COX5A: variants seen among roughly 807,000 people sequenced by gnomAD.
COX5A encodes cytochrome c oxidase subunit 5A, mitochondrial.
A neutral mutation model predicts 16.1 loss-of-function variants in COX5A; 6 were observed. That is an observed-to-expected ratio of 0.37 (90% CI 0.20 to 0.73). COX5A has a LOEUF of 0.73. Among genes scored for constraint, COX5A ranks in the 30% least tolerant of loss-of-function variants. The pLI, the probability that COX5A is intolerant of heterozygous loss-of-function variation, is 0.50. For missense variants in COX5A, 159 were observed against 194.9 expected, an observed-to-expected ratio of 0.82 and a Z score of 1.10; for synonymous variants, 73 against 73.8, an observed-to-expected ratio of 0.99 and a Z score of 0.06.
At chr15:74,925,152 G>A (rs1018332025) in intron 3 of COX5A, among the ~76,000 whole-genome samples, 1 of 151,846 alleles carries the variant, frequency 6.6e-6, no homozygotes, top group African/African-American at 2.4e-5. Flanking sequence ...GAGAAACCCC[G>A]TCTCTTAAAA....
chr15:74,936,900 A>C (rs1333956688), intron 1 of COX5A, among the ~76,000 whole-genome samples: 2 of 152,060 alleles, frequency 1.3e-5, no homozygotes, highest in East Asian at 3.9e-4. Flanking sequence ...AAGTGCTGGG[A>C]TTACAGGCAT....
At chr15:74,924,610 T>C (rs1296839584) in intron 3 of COX5A, among the ~76,000 whole-genome samples, 2 of 152,202 alleles carry the variant, frequency 1.3e-5, no homozygotes, top group African/African-American at 4.8e-5. Context: ...TGAGAATAAC[T>C]GCAATTGGAC....
chr15:74,937,563 A>G (rs967840318), intron 1 of COX5A: 6 of 201,648 alleles, frequency 3.0e-5, no homozygotes, highest in Admixed American at 1.8e-4. Context: ...GAGGCGCTGC[A>G]GGCCGGCGGC....
intron 4 of COX5A, among the ~76,000 whole-genome samples, chr15:74,920,857 A>G (rs2065316516): frequency 6.6e-6 from 1 of 152,060 alleles, no homozygotes; most frequent in African/African-American, 2.4e-5. Flanking sequence ...CCATGCCTGC[A>G]GTCCCAGCTA....
Position 74,932,454 on chromosome 15 carries a change from T to C in COX5A, c.101-3222A>G, listed in dbSNP as rs571092310. ...TGAGCCACCATGCCCAGCCTTAACA[T>C]ACATATATATATATTTTTAAAAACT... is the stretch of plus-strand genomic sequence containing the variant. On this transcript the variant is annotated intron_variant, in intron 1 of 4. Coordinates refer to ENST00000322347, the MANE Select transcript of COX5A (RefSeq NM_004255.4). Among the ~76,000 whole-genome samples, 8 of 152,216 alleles carry C rather than the reference T, an allele frequency of 5.3e-5. No homozygotes were observed. In the East Asian group the frequency reaches 1.2e-3, roughly 22 times the overall value.
chr15:74,926,175 G>A (rs943877067), intron 3 of COX5A, among the ~76,000 whole-genome samples: 13 of 151,764 alleles, frequency 8.6e-5, no homozygotes, highest in African/African-American at 2.9e-4. Context: ...GAGTAGCTGG[G>A]ACTACAGGCG....
chr15:74,929,296 G>T, intron 1 of COX5A, 64 bp from the exon 2 acceptor site: 3 of 1,175,688 alleles, frequency 2.6e-6, no homozygotes, highest in Non-Finnish European at 3.8e-6. Flanking sequence ...TTTGTTCAAT[G>T]CATTAAATTT....
intron 1 of COX5A, among the ~76,000 whole-genome samples, chr15:74,934,692 T>G (rs1595863660): frequency 6.6e-6 from 1 of 152,168 alleles, no homozygotes; most frequent in South Asian, 2.1e-4. Flanking sequence ...CTATTAGCTA[T>G]GGACACATCC....
At chr15:74,935,880 G>T (rs971515074) in intron 1 of COX5A, among the ~76,000 whole-genome samples, 14 of 151,482 alleles carry the variant, frequency 9.2e-5, no homozygotes, top group Admixed American at 9.2e-4. Flanking sequence ...GTGAGCCACC[G>T]TGTCCGGCTG....
intron 1 of COX5A, among the ~76,000 whole-genome samples, chr15:74,933,419 ATATC>A (rs56686416): frequency 0.13 from 18,850 of 143,066 alleles, 1,260 homozygotes; most frequent in African/African-American, 0.16. Flanking sequence ...AAAAAAAAAA[ATATC>A]TATCTATCTA....
At chr15:74,932,694 A>C (rs1230146405) in intron 1 of COX5A, among the ~76,000 whole-genome samples, 1 of 151,744 alleles carries the variant, frequency 6.6e-6, no homozygotes, top group Non-Finnish European at 1.5e-5. Context: ...AACACGTTTT[A>C]ATTTCTTTTT....
At chr15:74,933,039 A>G (rs2065373889) in intron 1 of COX5A, among the ~76,000 whole-genome samples, 1 of 152,108 alleles carries the variant, frequency 6.6e-6, no homozygotes. Flanking sequence ...ACACCTAAAT[A>G]TGTCTGGTAA....
intron 4 of COX5A, 89 bp downstream of exon 4, chr15:74,923,559 T>C: frequency 1.5e-6 from 1 of 661,170 alleles, no homozygotes; most frequent in Non-Finnish European, 2.6e-6. Context: ...ACAAGAACAC[T>C]GAAAGGTCTT....
intron 1 of COX5A, among the ~76,000 whole-genome samples, chr15:74,929,806 G>A (rs1024100752): frequency 7.2e-5 from 11 of 152,070 alleles, no homozygotes; most frequent in East Asian, 1.9e-4. Context: ...TAGGCCAGGC[G>A]CAGTGGCTCA....
At chr15:74,931,780 C>T (rs943331007) in intron 1 of COX5A, among the ~76,000 whole-genome samples, 3 of 152,072 alleles carry the variant, frequency 2.0e-5, no homozygotes, top group South Asian at 2.1e-4. Flanking sequence ...TCTCGAACTC[C>T]TGACCTCCAG....
chr15:74,932,884 C>T (rs559334696), intron 1 of COX5A, among the ~76,000 whole-genome samples: 1 of 151,594 alleles, frequency 6.6e-6, no homozygotes, highest in South Asian at 2.1e-4. Context: ...CTTTAGTAGA[C>T]ACAAAGTTTC....
At chr15:74,920,466 T>C (rs1239989581) in intron 4 of COX5A, 24 bp from the exon 5 acceptor site, 1 of 681,824 alleles carries the variant, frequency 1.5e-6, no homozygotes, top group Non-Finnish European at 2.6e-6. Flanking sequence ...CACAAAGAAT[T>C]AGCCAGGAAA....
chr15:74,931,027 A>C (rs2065365035), intron 1 of COX5A, among the ~76,000 whole-genome samples: 1 of 148,094 alleles, frequency 6.8e-6, no homozygotes, highest in African/African-American at 2.5e-5. Flanking sequence ...AAAAAAAAAA[A>C]AAAAAAAAAA....
chr15:74,925,203 G>A (rs1159951362), intron 3 of COX5A, among the ~76,000 whole-genome samples: 1 of 151,748 alleles, frequency 6.6e-6, no homozygotes, highest in Non-Finnish European at 1.5e-5. Flanking sequence ...GGGAGGCTGA[G>A]GCAGAAGAAT....
Sources: allele counts gnomAD v4.1 joint callset (sites outside exome capture counted in the v4.1 genomes callset), GRCh38; gene constraint gnomAD v4.1.1; transcripts MANE v1.5; gene names NCBI Gene and HGNC (gene_info 2026-07-23, HGNC 2026-07-21).